The following TRHDE variants were observed in gnomAD, a reference collection of about 807,000 sequenced individuals.
TRHDE encodes thyrotropin-releasing hormone-degrading ectoenzyme.
TRHDE carries 72 observed loss-of-function variants against 125.7 expected under a neutral mutation model. The observed-to-expected ratio is 0.57, with a 90% CI of 0.47 to 0.70. The LOEUF is 0.70. Among genes scored for constraint, TRHDE ranks in the 30% least tolerant of loss-of-function variants. The probability of loss-of-function intolerance (pLI) is 0.00; values close to 1 mark genes in which losing one functional copy is unlikely to be tolerated. For missense variants in TRHDE, 1,110 were observed against 1,327.1 expected, an observed-to-expected ratio of 0.84 and a Z score of 2.54; for synonymous variants, 509 against 509.1, an observed-to-expected ratio of 1.00 and a Z score of 0.00.
chr12:72,531,695 C>T (rs1868563514), intron 6 of TRHDE, among the ~76,000 whole-genome samples: 1 of 152,002 alleles, frequency 6.6e-6, no homozygotes, highest in African/African-American at 2.4e-5. Flanking sequence ...GTTTAGGTAA[C>T]AAATCATTCT....
At chr12:72,105,286 T>C (rs1219456593) in intron 1 of TRHDE, among the ~76,000 whole-genome samples, 1 of 152,128 alleles carries the variant, frequency 6.6e-6, no homozygotes, top group African/African-American at 2.4e-5. Flanking sequence ...GAGGTGGGAC[T>C]GGAACAGGAA....
chr12:72,181,450 C>T (rs370264798), intron 2 of TRHDE, among the ~76,000 whole-genome samples: 1 of 152,076 alleles, frequency 6.6e-6, no homozygotes. Context: ...TCAAAGGGCC[C>T]TGGGCTAACC....
chr12:72,649,048 C>A (rs966101994), intron 15 of TRHDE, among the ~76,000 whole-genome samples: 1 of 151,754 alleles, frequency 6.6e-6, no homozygotes, highest in Non-Finnish European at 1.5e-5. Flanking sequence ...TTCTACAATT[C>A]ATATGGAACC....
intron 16 of TRHDE, 49 bp from the exon 17 acceptor site, chr12:72,652,967 A>ATGTT (rs1412831038): frequency 8.0e-6 from 12 of 1,502,962 alleles, no homozygotes; most frequent in Non-Finnish European, 1.0e-5. Flanking sequence ...GATTATAAAA[A>ATGTT]TGTTTAAGTT....
chr12:72,357,014 C>G (rs1332659911), intron 2 of TRHDE, among the ~76,000 whole-genome samples: 1 of 151,372 alleles, frequency 6.6e-6, no homozygotes, highest in African/African-American at 2.4e-5. Flanking sequence ...ATAGATGAAG[C>G]AAATTCTTCA....
intron 2 of TRHDE, among the ~76,000 whole-genome samples, chr12:72,365,782 T>C (rs966920991): frequency 1.3e-5 from 2 of 152,284 alleles, no homozygotes; most frequent in South Asian, 4.1e-4. Flanking sequence ...AAGAAATTTT[T>C]GCAAATTCAG....
intron 2 of TRHDE, among the ~76,000 whole-genome samples, chr12:72,360,451 G>T (rs1001337988): frequency 2.0e-5 from 3 of 151,744 alleles, no homozygotes; most frequent in African/African-American, 7.3e-5. Flanking sequence ...GCAGTTTGCA[G>T]AAGAGAAAAA....
chr12:72,280,001 T>C (rs938377873), intron 1 of TRHDE, among the ~76,000 whole-genome samples: 1 of 152,232 alleles, frequency 6.6e-6, no homozygotes, highest in Non-Finnish European at 1.5e-5. Context: ...AAAAATAGAT[T>C]ATTTTTAAAA....
At chr12:72,589,527 C>T (rs1027548993) in intron 12 of TRHDE, among the ~76,000 whole-genome samples, 17 of 152,116 alleles carry the variant, frequency 1.1e-4, no homozygotes, top group Non-Finnish European at 2.4e-4. Flanking sequence ...AATTTACCAT[C>T]AGATGGGTGT....
intron 2 of TRHDE, among the ~76,000 whole-genome samples, chr12:72,188,111 T>C (rs568239947): frequency 1.3e-5 from 2 of 152,340 alleles, no homozygotes; most frequent in South Asian, 4.1e-4. Flanking sequence ...AGCAACCATA[T>C]AGAGAATTTA....
At chr12:72,272,242 T>C (rs903209745), upstream of TRHDE, 1 of 395,114 alleles carries the variant, frequency 2.5e-6, no homozygotes, top group Non-Finnish European at 5.1e-6. The surrounding 1 kb of genome is among the most constrained non-coding windows in gnomAD (Gnocchi z 6.7). Context: ...TCCTTCTCCC[T>C]AGCCGAGAAC....
intron 12 of TRHDE, among the ~76,000 whole-genome samples, chr12:72,599,421 A>T (rs577448541): frequency 6.6e-6 from 1 of 151,964 alleles, no homozygotes; most frequent in African/African-American, 2.4e-5. Context: ...CCATTCTGAC[A>T]TGTGAGATAG....
At chr12:72,467,640 C>T (rs762828102) in intron 3 of TRHDE, among the ~76,000 whole-genome samples, 7 of 152,202 alleles carry the variant, frequency 4.6e-5, no homozygotes, top group Non-Finnish European at 7.4e-5. Flanking sequence ...TATGGTGAAA[C>T]CCCATCTCTA....
At chr12:72,103,457 A>G (rs1186333290) in intron 1 of TRHDE, among the ~76,000 whole-genome samples, 1 of 152,176 alleles carries the variant, frequency 6.6e-6, no homozygotes, top group Non-Finnish European at 1.5e-5. Flanking sequence ...AGGTATCAAT[A>G]GCAGTAGTCA....
intron 2 of TRHDE, among the ~76,000 whole-genome samples, chr12:72,235,244 G>T (rs1878318093): frequency 6.6e-6 from 1 of 152,144 alleles, no homozygotes; most frequent in Admixed American, 6.6e-5. Context: ...GGTTAATGAG[G>T]TTTATTTTAT....
chr12:72,549,680 G>A (rs867017844), intron 7 of TRHDE, among the ~76,000 whole-genome samples: 7 of 151,466 alleles, frequency 4.6e-5, no homozygotes, highest in African/African-American at 7.3e-5. Flanking sequence ...TAACTATAAC[G>A]GAAAATTAAT....
intron 2 of TRHDE, among the ~76,000 whole-genome samples, chr12:72,303,398 T>C (rs1438877380): frequency 6.6e-6 from 1 of 152,136 alleles, no homozygotes; most frequent in East Asian, 1.9e-4. Context: ...TCCAATGCAC[T>C]GTTTTACTGA....
chr12:72,399,396 G>A (rs1872941349), intron 3 of TRHDE, among the ~76,000 whole-genome samples: 1 of 152,028 alleles, frequency 6.6e-6, no homozygotes, highest in Non-Finnish European at 1.5e-5. Flanking sequence ...CAGCAAGTGG[G>A]TCATTTTCCA....
At chr12:72,359,063 CAA>C (rs1489362650) in intron 2 of TRHDE, among the ~76,000 whole-genome samples, 6 of 151,432 alleles carry the variant, frequency 4.0e-5, no homozygotes, top group East Asian at 1.9e-4. Flanking sequence ...TTAAACAAAA[CAA>C]GAGAGTTTCC....
Sources: allele counts gnomAD v4.1 joint callset (sites outside exome capture counted in the v4.1 genomes callset), GRCh38; gene constraint gnomAD v4.1.1; non-coding constraint Gnocchi (gnomAD v3.1); transcripts MANE v1.5; gene names NCBI Gene and HGNC (gene_info 2026-07-23, HGNC 2026-07-21).